ZFR: variants seen among roughly 807,000 people sequenced by gnomAD.
ZFR encodes zinc finger RNA binding protein.
Under a neutral mutation model 130.7 loss-of-function variants are expected in ZFR, and 19 were observed. The ratio of observed to expected loss-of-function variants is 0.15; its 90% CI spans 0.10 to 0.21. ZFR has a LOEUF of 0.21. ZFR is among the 10% of genes least tolerant of loss of function. The probability of loss-of-function intolerance (pLI) is 1.00; values close to 1 mark genes in which losing one functional copy is unlikely to be tolerated. For missense variants in ZFR, 872 were observed against 1,321.5 expected (o/e 0.66, Z 5.27); for synonymous variants, 466 against 456.9 (o/e 1.02, Z -0.25).
intron 10 of ZFR, among the ~76,000 whole-genome samples, chr5:32,396,122 G>A (rs1162401007): frequency 2.0e-5 from 3 of 151,936 alleles, no homozygotes; most frequent in Admixed American, 1.3e-4. Context: ...GGGAGGCTGC[G>A]GTGGGAGGAT....
At chr5:32,410,406 C>T (rs1328387747) in intron 5 of ZFR, among the ~76,000 whole-genome samples, 1 of 151,664 alleles carries the variant, frequency 6.6e-6, no homozygotes, top group African/African-American at 2.4e-5. Flanking sequence ...CTCAGGAGTT[C>T]GAGACCAGCC....
intron 2 of ZFR, 104 bp downstream of exon 2, chr5:32,444,125 G>C: frequency 7.6e-7 from 1 of 1,316,116 alleles, no homozygotes; most frequent in Non-Finnish European, 1.0e-6. Flanking sequence ...GCAGCGGGCC[G>C]GGGCTCTGGG....
At chr5:32,420,335 T>C (rs1293074981) in intron 2 of ZFR, among the ~76,000 whole-genome samples, 2 of 152,066 alleles carry the variant, frequency 1.3e-5, no homozygotes, top group Non-Finnish European at 2.9e-5. Context: ...TTAATCTCAA[T>C]ACATTATATA....
At chr5:32,444,551 C>T (rs1225071761) in intron 1 of ZFR, 71 bp downstream of exon 1, 1 of 1,429,228 alleles carries the variant, frequency 7.0e-7, no homozygotes, top group African/African-American at 1.5e-5. Context: ...TGCCCCAACC[C>T]CCGCGGCTCC....
At chr5:32,417,912 C>A (rs938884591) in intron 3 of ZFR, 120 bp from the exon 4 acceptor site, 17 of 883,950 alleles carry the variant, frequency 1.9e-5, no homozygotes, top group Non-Finnish European at 2.6e-5. Context: ...CATGACAGAC[C>A]TAAACATAAA....
intron 8 of ZFR, 148 bp downstream of exon 8, chr5:32,402,954 TACAC>T (rs1195784542): frequency 4.3e-6 from 3 of 695,130 alleles, no homozygotes; most frequent in Admixed American, 3.0e-5. Flanking sequence ...AAATTAAAAA[TACAC>T]ACACACTAGG....
intron 5 of ZFR, among the ~76,000 whole-genome samples, chr5:32,411,374 G>A (rs543413160): frequency 2.6e-5 from 4 of 152,126 alleles, no homozygotes; most frequent in Non-Finnish European, 5.9e-5. Flanking sequence ...CAGCAACCAT[G>A]GATTCAATCA....
chr5:32,404,337 A>G (rs1449158223), intron 6 of ZFR, among the ~76,000 whole-genome samples: 1 of 152,238 alleles, frequency 6.6e-6, no homozygotes, highest in African/African-American at 2.4e-5. Flanking sequence ...TAGCCATAAT[A>G]TAAGGCAATG....
At chr5:32,366,061 T>A (rs1752540621) in intron 17 of ZFR, among the ~76,000 whole-genome samples, 1 of 152,184 alleles carries the variant, frequency 6.6e-6, no homozygotes, top group Non-Finnish European at 1.5e-5. Flanking sequence ...GAGGATAAGG[T>A]CAGTGTTACT....
At chr5:32,417,888 T>A in intron 3 of ZFR, 96 bp from the exon 4 acceptor site, 1 of 1,140,492 alleles carries the variant, frequency 8.8e-7, no homozygotes, top group Non-Finnish European at 1.3e-6. Context: ...AACAAAACAC[T>A]AAATACGTAG....
At chr5:32,397,382 T>A (rs1226410824) in intron 9 of ZFR, 44 bp from the exon 10 acceptor site, 2 of 1,597,672 alleles carry the variant, frequency 1.3e-6, no homozygotes, top group Non-Finnish European at 1.7e-6. Flanking sequence ...AGTTGAAGAT[T>A]ATATCATTCA....
At chr5:32,356,109 T>C (rs1157411844) in intron 19 of ZFR, among the ~76,000 whole-genome samples, 170 bp from the exon 20 acceptor site, 2 of 152,204 alleles carry the variant, frequency 1.3e-5, no homozygotes, top group African/African-American at 4.8e-5. Flanking sequence ...ATGTTTTTAT[T>C]TCCTAGCTTT....
intron 17 of ZFR, among the ~76,000 whole-genome samples, chr5:32,366,468 T>C (rs1002633962): frequency 2.6e-5 from 4 of 152,200 alleles, no homozygotes; most frequent in Admixed American, 2.6e-4. Context: ...AAGCAGAAAT[T>C]AATTAAAAGT....
chr5:32,438,337 C>G (rs1394075581), intron 2 of ZFR, among the ~76,000 whole-genome samples: 1 of 139,530 alleles, frequency 7.2e-6, no homozygotes, highest in South Asian at 2.3e-4. Flanking sequence ...GATCTTGGCT[C>G]ACCGCAACCT....
intron 17 of ZFR, among the ~76,000 whole-genome samples, chr5:32,367,567 T>C (rs1342732176): frequency 6.6e-6 from 1 of 152,086 alleles, no homozygotes; most frequent in Non-Finnish European, 1.5e-5. Flanking sequence ...CAGAACCCAC[T>C]ACCATGCTTG....
chr5:32,412,243 T>G lies in ZFR; in HGVS notation c.784+2726A>C, dbSNP rs1479876694. ...ATCAATAGGAATAAACAAACATTAC[T>G]TATTACATGCTTCTGATGTGATGAA... is the stretch of plus-strand genomic sequence containing the variant. On this transcript the variant is annotated intron_variant, in intron 5 of 19. Transcript: ENST00000265069. Among the ~76,000 whole-genome samples, 3 of 152,342 alleles carry G rather than the reference T, an allele frequency of 2.0e-5. No individual in the cohort carries two copies. The South Asian group carries it at 6.2e-4, about 32-fold the overall frequency.
chr5:32,364,170 GAAT>G lies in ZFR; in HGVS notation c.2938_2940del (p.Ile980del). The G allele has an allele frequency of 6.2e-7, 1 of 1,610,662 alleles. No individual in the cohort carries two copies. Among genetic ancestry groups the G allele is most frequent in the Admixed American group, 1.7e-5 (1 of 59,908 alleles). ...AAAACAAAGTAAGAGTTACCTTTAA[GAAT>G]AATCCCTGAAGAAATGCATTCAAAA... On this transcript the variant is annotated inframe_deletion, in exon 18 of 20. Transcript: ENST00000265069.
intron 2 of ZFR, among the ~76,000 whole-genome samples, chr5:32,425,554 G>C (rs1015057226): frequency 5.3e-5 from 8 of 152,174 alleles, no homozygotes; most frequent in Admixed American, 4.6e-4. Flanking sequence ...TTGAGTCGGA[G>C]TCTCACTCTG....
At chr5:32,389,179 C>G (rs1436578612) in intron 12 of ZFR, among the ~76,000 whole-genome samples, 1 of 152,160 alleles carries the variant, frequency 6.6e-6, no homozygotes, top group East Asian at 1.9e-4. Context: ...CAGATTTTTC[C>G]TATAGTCTTA....
Sources: gnomAD v4.1 joint callset for allele counts (sites outside exome capture counted in the v4.1 genomes callset) on GRCh38, gnomAD v4.1.1 for gene constraint, MANE v1.5 for transcripts, NCBI Gene and HGNC (gene_info 2026-07-23, HGNC 2026-07-21) for gene names.